Variants in USP49 observed in about 807,000 individuals in gnomAD.
USP49 encodes ubiquitin specific peptidase 49.
Under a neutral mutation model 58.6 loss-of-function variants are expected in USP49, and 24 were observed. The observed-to-expected ratio is 0.41, with a 90% confidence interval of 0.30 to 0.58. USP49 has a LOEUF of 0.58. Ranked by LOEUF, USP49 falls within the 20% of genes least tolerant of loss-of-function variation. The pLI is 0.30. For synonymous variants in USP49, 408 were observed against 365.1 expected (o/e 1.12, Z -1.34); for missense variants, 703 against 866.1 (o/e 0.81, Z 2.36).
chr6:41,826,703 G>A (rs1773544243), intron 3 of USP49, among the ~76,000 whole-genome samples: 1 of 152,032 alleles, frequency 6.6e-6, no homozygotes, highest in African/African-American at 2.4e-5. Flanking sequence ...CTAAAACCCT[G>A]AGGTTTGAGT....
chr6:41,794,853 C>G lies in USP49; in HGVS notation c.*1680G>C, dbSNP rs1190561653. 6.6e-6 allele frequency: 1 copy of G among 152,218 alleles called. No homozygotes were observed. The highest frequency in any genetic ancestry group is 1.5e-5 in the Non-Finnish European group (1 of 68,032). The allele number at this position is 152,218 out of a possible 1,614,324, so 9.4% of individuals were successfully genotyped here. ...AGTTTAATTTAAAATATAGTCACTC[C>G]TTCCCTATCAGGGTGAGCCATTTTT... On this transcript the variant is annotated 3_prime_UTR_variant, in exon 8 of 8. Transcript: ENST00000682992.
chr6:41,866,598 C>T (rs529937872), intron 3 of USP49, among the ~76,000 whole-genome samples: 90 of 152,230 alleles, frequency 5.9e-4, no homozygotes, highest in Admixed American at 1.8e-3. Context: ...GGGATCATTA[C>T]AATGTTCTGA....
rs1581986430 is a variant in USP49, at chr6:41,796,580, C to T, written c.2020G>A (p.Val674Met). 1.4e-6 allele frequency: 1 copy of T among 717,434 alleles called. No homozygotes were observed. Among genetic ancestry groups the T allele is most frequent in the Non-Finnish European group, 2.6e-6 (1 of 385,092 alleles). 44.4% of individuals were successfully genotyped at this position (717,434 alleles called of 1,614,324 possible). The change falls in exon 8 of 8, where the codon GTG becomes ATG. Residue 674 changes from valine to methionine, a missense_variant. Physicochemically the swap from Val to Met is conservative, Grantham distance 21. Transcript: ENST00000682992. ...CCTTCATCATTGTTGCTGGACTGCACCTGAGCTTGGAGATGGGTTTCTGAG... is the reference window on the plus strand; with the variant it reads ...CCTTCATCATTGTTGCTGGACTGCATCTGAGCTTGGAGATGGGTTTCTGAG... ...RISETHLQAQ[V>M]QSSNNDEGRP... is the part of the protein sequence containing the mutation.
chr6:41,835,767 T>G (rs925665913), intron 3 of USP49, among the ~76,000 whole-genome samples: 3 of 149,538 alleles, frequency 2.0e-5, no homozygotes, highest in Non-Finnish European at 4.4e-5. Context: ...GTAGGTAAAG[T>G]AAAATTTATG....
intron 3 of USP49, among the ~76,000 whole-genome samples, chr6:41,855,790 G>A (rs1276956664): frequency 6.6e-6 from 1 of 152,182 alleles, no homozygotes; most frequent in Non-Finnish European, 1.5e-5. Context: ...GCTTGTGCCT[G>A]TAATCCCAGC....
At chr6:41,846,932 G>A (rs1173423837) in intron 3 of USP49, among the ~76,000 whole-genome samples, 2 of 152,168 alleles carry the variant, frequency 1.3e-5, no homozygotes, top group Non-Finnish European at 2.9e-5. Context: ...TGAAAACAGA[G>A]GAGAGCAGGA....
chr6:41,893,254 TACCAACTA>T (rs2127368124), intron 1 of USP49, among the ~76,000 whole-genome samples: 1 of 152,288 alleles, frequency 6.6e-6, no homozygotes, highest in East Asian at 1.9e-4. Context: ...ATGGGTGAGT[TACCAACTA>T]CAGCATGAAA....
chr6:41,805,205 C>A (rs189925894), intron 4 of USP49, among the ~76,000 whole-genome samples: 1 of 152,316 alleles, frequency 6.6e-6, no homozygotes, highest in Admixed American at 6.5e-5. Context: ...ATGCTCCCAG[C>A]TACCTACCTT....
In USP49 at chr6:41,878,222, T is replaced by C. The variant is rs1040665947; in HGVS notation, c.-102-6585A>G. ...TCATTATTCTAGCAAAAAGAAACAC[T>C]GATATTCAAACATCCCAGGTGTTCT... On this transcript the variant is annotated intron_variant, in intron 2 of 7. Transcript: ENST00000682992. 7.9e-5 allele frequency among the ~76,000 whole-genome samples: 12 copies of C among 152,316 alleles called. No homozygotes were observed. In the East Asian group the frequency reaches 2.3e-3, roughly 29 times the overall value.
chr6:41,809,996 C>CA (rs1191387000), intron 3 of USP49, among the ~76,000 whole-genome samples: 1 of 144,248 alleles, frequency 6.9e-6, no homozygotes, highest in Non-Finnish European at 1.5e-5. Context: ...CTAAAAAATA[C>CA]AAAAAATTAG....
intron 2 of USP49, among the ~76,000 whole-genome samples, chr6:41,878,199 A>T (rs1448627118): frequency 6.6e-6 from 1 of 152,224 alleles, no homozygotes; most frequent in South Asian, 2.1e-4. Flanking sequence ...ACTTTATGTC[A>T]TTATTCTAGC....
intron 7 of USP49, chr6:41,797,801 T>A: frequency 1.0e-6 from 1 of 985,810 alleles, no homozygotes; most frequent in Non-Finnish European, 1.2e-6. Context: ...CAATAACCAA[T>A]ACTTTTGATA....
intron 2 of USP49, among the ~76,000 whole-genome samples, 165 bp downstream of exon 2, chr6:41,891,629 G>A (rs1235758948): frequency 2.0e-5 from 3 of 151,882 alleles, no homozygotes; most frequent in Non-Finnish European, 2.9e-5. Context: ...TTGAGAATGG[G>A]GCAAGAGGAA....
chr6:41,842,122 G>A (rs1264533774), intron 3 of USP49, among the ~76,000 whole-genome samples: 3 of 151,846 alleles, frequency 2.0e-5, no homozygotes, highest in East Asian at 3.9e-4. Context: ...GAAATTCCAG[G>A]AGCTTTTAAT....
intron 4 of USP49, 95 bp downstream of exon 4, chr6:41,805,533 G>A: frequency 3.0e-6 from 4 of 1,330,512 alleles, no homozygotes; most frequent in South Asian, 1.4e-5. Flanking sequence ...GCAAATGTGG[G>A]CTACTCTTAT....
chr6:41,790,358 C>T lies in USP49; in HGVS notation c.*6175G>A, dbSNP rs1488958334. On this transcript the variant is annotated 3_prime_UTR_variant, in exon 8 of 8. Coordinates refer to ENST00000682992, the MANE Select transcript of USP49 (RefSeq NM_001286554.2). ...TCCTTCAGAAGGAAATGTTTTGTGA[C>T]CCTAAAATTCATGGTAGTGCTACTG... 1.3e-5 allele frequency: 2 copies of T among 152,116 alleles called. No homozygotes were observed. Among genetic ancestry groups the T allele is most frequent in the Admixed American group, 6.5e-5 (1 of 15,274 alleles). 9.4% of individuals were successfully genotyped at this position (152,116 alleles called of 1,614,324 possible).
intron 7 of USP49, 170 bp downstream of exon 7, chr6:41,798,554 G>C: frequency 6.5e-7 from 1 of 1,526,766 alleles, no homozygotes; most frequent in Admixed American, 2.0e-5. Flanking sequence ...AGGATTACAG[G>C]TGTGAGCCAC....
At chr6:41,892,029 A>G (rs1472024936) in intron 1 of USP49, among the ~76,000 whole-genome samples, 154 bp from the exon 2 acceptor site, 1 of 152,224 alleles carries the variant, frequency 6.6e-6, no homozygotes, top group Non-Finnish European at 1.5e-5. Flanking sequence ...TAAAGCTTAA[A>G]TTTATCATTG....
chr6:41,826,198 T>TAG (rs1211595212), intron 3 of USP49, among the ~76,000 whole-genome samples: 1 of 151,950 alleles, frequency 6.6e-6, no homozygotes, highest in African/African-American at 2.4e-5. Context: ...CCAGGAGGCA[T>TAG]AGAGGCTGCA....
Sources: gnomAD v4.1 joint callset for allele counts (sites outside exome capture counted in the v4.1 genomes callset) on GRCh38, gnomAD v4.1.1 for gene constraint, MANE v1.5 for transcripts, NCBI Gene and HGNC (gene_info 2026-07-23, HGNC 2026-07-21) for gene names.